CCDC141: variants seen among roughly 807,000 people sequenced by gnomAD.
The protein encoded by CCDC141 is coiled-coil domain-containing protein 141.
Under a neutral mutation model 181.0 loss-of-function variants are expected in CCDC141, and 168 were observed. The observed-to-expected ratio is 0.93, with a 90% CI of 0.82 to 1.05. The LOEUF (loss-of-function observed/expected upper bound fraction) is 1.05. Ranked by LOEUF, CCDC141 falls within the 50% of genes least tolerant of loss-of-function variation. The probability of loss-of-function intolerance (pLI) is 0.00; values close to 1 mark genes in which losing one functional copy is unlikely to be tolerated. For synonymous variants in CCDC141, 666 were observed against 642.3 expected, an observed-to-expected ratio of 1.04 and a Z score of -0.56; for missense variants, 1,902 against 1,788.5, an observed-to-expected ratio of 1.06 and a Z score of -1.14.
intron 4 of CCDC141, 38 bp downstream of exon 4, chr2:178,975,019 C>A (rs1431749074): frequency 9.4e-7 from 1 of 1,063,126 alleles, no homozygotes; most frequent in Non-Finnish European, 1.4e-6. Context: ...CTTTTAAAAC[C>A]TCTAAACACT....
At chr2:178,863,829 A>G (rs12052272) in intron 17 of CCDC141, among the ~76,000 whole-genome samples, 52,096 of 152,102 alleles carry the variant, frequency 0.34, 9,855 homozygotes, top group African/African-American at 0.5. Context: ...AAAATGTAAG[A>G]GCATGCTAAA....
chr2:178,837,666 T>C lies in CCDC141; in HGVS notation c.3553A>G (p.Thr1185Ala). The change falls in exon 23 of 24, where the codon ACT becomes GCT. Residue 1185 changes from threonine to alanine, a missense_variant. Thr to Ala is a moderately conservative substitution (Grantham distance 58, BLOSUM62 0). Coordinates refer to ENST00000443758, the MANE Select transcript of CCDC141 (RefSeq NM_173648.4). ...TCCTGGACGCCACCCTCCTTGTCAG[T>C]GGACACCTTCAGGTCTTGTGGTAGT... ...ERLPQDLKVS[T>A]DKEGGVQDLL... 2 of 1,614,068 alleles carry C rather than the reference T, an allele frequency of 1.2e-6. No homozygotes were observed. The highest frequency in any genetic ancestry group is 1.7e-4 in the Middle Eastern group (1 of 6,058).
At chr2:178,849,865 T>C (rs1459805301) in intron 21 of CCDC141, among the ~76,000 whole-genome samples, 184 bp downstream of exon 21, 2 of 149,420 alleles carry the variant, frequency 1.3e-5, no homozygotes. Context: ...TCTGCAGTGA[T>C]GGGAAAGAAA....
chr2:178,972,267 T>C (rs778219371), intron 4 of CCDC141, among the ~76,000 whole-genome samples: 2 of 152,154 alleles, frequency 1.3e-5, no homozygotes, highest in Non-Finnish European at 2.9e-5. Context: ...TTCTCCTTAA[T>C]GTCCCTAAAG....
intron 8 of CCDC141, among the ~76,000 whole-genome samples, chr2:178,894,359 T>A (rs1438571625): frequency 6.6e-6 from 1 of 152,008 alleles, no homozygotes; most frequent in East Asian, 1.9e-4. Context: ...CCACTCCAAA[T>A]GAGAGTGCAA....
the CCDC141 span, among the ~76,000 whole-genome samples, chr2:178,818,648 T>C: frequency 6.6e-6 from 1 of 152,252 alleles, no homozygotes; most frequent in African/African-American, 2.4e-5. Flanking sequence ...ATGGTGTATA[T>C]GTACCACATT....
intron 2 of CCDC141, among the ~76,000 whole-genome samples, chr2:179,046,863 A>G (rs2043514349): frequency 6.6e-6 from 1 of 152,234 alleles, no homozygotes; most frequent in African/African-American, 2.4e-5. Context: ...TACTAAGCAC[A>G]GAATCAGATA....
At chr2:179,006,748 A>G (rs1168259888) in intron 2 of CCDC141, among the ~76,000 whole-genome samples, 1 of 152,218 alleles carries the variant, frequency 6.6e-6, no homozygotes, top group Admixed American at 6.5e-5. Flanking sequence ...ACTGTTGAAG[A>G]GAAGGAATGT....
At chr2:178,851,019 A>T (rs1401262816) in intron 20 of CCDC141, among the ~76,000 whole-genome samples, 1 of 152,160 alleles carries the variant, frequency 6.6e-6, no homozygotes, top group Non-Finnish European at 1.5e-5. Context: ...CAGCCTGACC[A>T]ACATAGTGAA....
chr2:178,864,244 G>A (rs1252579016), intron 17 of CCDC141, among the ~76,000 whole-genome samples: 1 of 152,046 alleles, frequency 6.6e-6, no homozygotes, highest in Admixed American at 6.6e-5. Context: ...AAAGGGGGAG[G>A]GGAGGAAAGA....
At chr2:179,011,324 A>T (rs1441308652) in intron 2 of CCDC141, among the ~76,000 whole-genome samples, 1 of 152,192 alleles carries the variant, frequency 6.6e-6, no homozygotes, top group Non-Finnish European at 1.5e-5. Flanking sequence ...GTTAGCTATC[A>T]TTATATCAGA....
At chr2:178,982,718 G>C (rs561468097) in intron 2 of CCDC141, among the ~76,000 whole-genome samples, 9 of 152,142 alleles carry the variant, frequency 5.9e-5, no homozygotes, top group African/African-American at 2.2e-4. Flanking sequence ...GGCACCTGGA[G>C]AATCGGGTCA....
At chr2:178,887,430 T>C (rs1237677812) in intron 9 of CCDC141, among the ~76,000 whole-genome samples, 1 of 152,184 alleles carries the variant, frequency 6.6e-6, no homozygotes, top group African/African-American at 2.4e-5. Context: ...TTGACTAAAA[T>C]GACCCTTGAA....
chr2:178,870,001 G>A (rs1686038861), intron 14 of CCDC141, among the ~76,000 whole-genome samples: 1 of 152,142 alleles, frequency 6.6e-6, no homozygotes, highest in Non-Finnish European at 1.5e-5. Flanking sequence ...GGAGGCCAAG[G>A]AGGGTGGACC....
Position 178,941,174 on chromosome 2 carries a change from C to A in CCDC141, c.897+3361G>T, listed in dbSNP as rs553567744. On this transcript the variant is annotated intron_variant, in intron 6 of 23. Coordinates refer to ENST00000443758, the MANE Select transcript of CCDC141 (RefSeq NM_173648.4). ...CATCATAGACAGCCTGGTCTGATTG[C>A]TGTTTGCCTTATTCTGCCATATTCT... Among the ~76,000 whole-genome samples, 123 of 152,304 alleles carry A rather than the reference C, an allele frequency of 8.1e-4. 1 individual carries two copies. Among genetic ancestry groups the A allele is most frequent in the African/African-American group, 2.6e-3 (110 of 41,576 alleles).
chr2:178,858,507 G>A (rs1685478071), intron 17 of CCDC141, among the ~76,000 whole-genome samples: 1 of 152,098 alleles, frequency 6.6e-6, no homozygotes, highest in Admixed American at 6.6e-5. Context: ...ACTATTTAAT[G>A]AGTGCAGAGT....
intron 2 of CCDC141, among the ~76,000 whole-genome samples, chr2:179,035,584 C>T (rs7584005): frequency 0.031 from 4,753 of 152,242 alleles, 251 homozygotes; most frequent in African/African-American, 0.11. Flanking sequence ...ACTGGAGAAT[C>T]TACTTCCAAG....
At chr2:179,028,375 C>T (rs543402602) in intron 2 of CCDC141, among the ~76,000 whole-genome samples, 4 of 152,334 alleles carry the variant, frequency 2.6e-5, no homozygotes, top group South Asian at 2.1e-4. Context: ...ACAAAAGCTT[C>T]GCAGTCAGCA....
Position 178,881,021 on chromosome 2 carries a change from G to A in CCDC141, c.1720-2878C>T, listed in dbSNP as rs143246916. ...GAACCACTTTTGAGTTATTGGTGAA[G>A]AAACCATAGGTAGGAATGTGGTTTT... On this transcript the variant is annotated intron_variant, in intron 11 of 23. Coordinates refer to ENST00000443758, the MANE Select transcript of CCDC141 (RefSeq NM_173648.4). 1.6e-4 allele frequency among the ~76,000 whole-genome samples: 25 copies of A among 152,316 alleles called. No individual in the cohort carries two copies. The East Asian group carries it at 2.9e-3, about 18-fold the overall frequency.
Sources: allele counts gnomAD v4.1 joint callset (sites outside exome capture counted in the v4.1 genomes callset), GRCh38; gene constraint gnomAD v4.1.1; transcripts MANE v1.5; gene names NCBI Gene and HGNC (gene_info 2026-07-23, HGNC 2026-07-21).